RNF135: variants seen among roughly 807,000 people sequenced by gnomAD.
RNF135 encodes the protein E3 ubiquitin-protein ligase RNF135.
In RNF135, 46 loss-of-function variants were observed where a neutral mutation model predicts 41.9. That is an observed-to-expected ratio of 1.10 (90% CI 0.87 to 1.40). RNF135 has a LOEUF of 1.40. Ranked by LOEUF, RNF135 falls within the 40% of genes most tolerant of loss-of-function variation. The pLI is 0.00. For synonymous variants in RNF135, 238 were observed against 223.8 expected (o/e 1.06, Z -0.57); for missense variants, 539 against 549.8 (o/e 0.98, Z 0.20).
At chr17:30,971,537 G>C (rs894135987) in intron 1 of RNF135, 92 bp downstream of exon 1, 3 of 1,384,934 alleles carry the variant, frequency 2.2e-6, no homozygotes, top group Admixed American at 3.7e-5. Flanking sequence ...TTCCTCAGCC[G>C]TTCTACTTTT....
intron 3 of RNF135, among the ~76,000 whole-genome samples, chr17:30,989,566 C>G (rs1907842063): frequency 6.6e-6 from 1 of 152,208 alleles, no homozygotes. Flanking sequence ...TTAGCTCTGT[C>G]TGGTCTCCCA....
chr17:30,994,345 G>A (rs1908193846), intron 3 of RNF135, among the ~76,000 whole-genome samples: 1 of 151,946 alleles, frequency 6.6e-6, no homozygotes, highest in South Asian at 2.1e-4. Context: ...GAGTTCAAGA[G>A]CAGCCTGGGT....
chr17:30,982,454 A>G (rs1907220752), intron 1 of RNF135, among the ~76,000 whole-genome samples: 1 of 152,192 alleles, frequency 6.6e-6, no homozygotes, highest in Non-Finnish European at 1.5e-5. Flanking sequence ...TCCTGAGTGC[A>G]CAGATTCTCT....
chr17:30,971,863 C>A, intron 1 of RNF135: 1 of 301,710 alleles, frequency 3.3e-6, no homozygotes, highest in Non-Finnish European at 5.0e-6. Flanking sequence ...GTGATCTCGG[C>A]TCACTGCAAC....
At chr17:30,986,321 C>T (rs1414590772) in intron 2 of RNF135, among the ~76,000 whole-genome samples, 6 of 151,870 alleles carry the variant, frequency 4.0e-5, no homozygotes, top group East Asian at 3.9e-4. Flanking sequence ...CTCAGCCTGC[C>T]GAGTAGCTGG....
At chr17:30,967,908 G>A (rs1905617466), upstream of RNF135, among the ~76,000 whole-genome samples, 1 of 151,582 alleles carries the variant, frequency 6.6e-6, no homozygotes, top group Non-Finnish European at 1.5e-5. Context: ...CTCATGATCC[G>A]CCTGCCTCGG....
chr17:30,997,477 G>T (rs775655887), intron 4 of RNF135, 146 bp downstream of exon 4: 15 of 737,460 alleles, frequency 2.0e-5, no homozygotes, highest in Non-Finnish European at 3.2e-5. Flanking sequence ...GGGGGGAGCT[G>T]ATTGCAAAGG....
intron 1 of RNF135, among the ~76,000 whole-genome samples, chr17:30,973,576 T>C (rs1274088871): frequency 2.0e-5 from 3 of 151,964 alleles, no homozygotes; most frequent in Non-Finnish European, 4.4e-5. Flanking sequence ...CAAGCAATTC[T>C]CCTGCCTCAG....
chr17:30,985,465 GCCAGAGA>G (rs1891082738), intron 2 of RNF135, among the ~76,000 whole-genome samples: 1 of 152,122 alleles, frequency 6.6e-6, no homozygotes, highest in African/African-American at 2.4e-5. Flanking sequence ...AAGTACAGAA[GCCAGAGA>G]CCTGGAAATC....
chr17:30,960,835 G>T, the RNF135 span, among the ~76,000 whole-genome samples: 1 of 151,000 alleles, frequency 6.6e-6, no homozygotes, highest in Non-Finnish European at 1.5e-5. Flanking sequence ...CGCCTCCCGG[G>T]TTCACGCCAT....
intron 3 of RNF135, 59 bp downstream of exon 3, chr17:30,988,165 A>T: frequency 6.6e-7 from 1 of 1,517,436 alleles, no homozygotes; most frequent in Non-Finnish European, 9.1e-7. Flanking sequence ...GGAGTAGCAG[A>T]GTGCTCTATG....
At chr17:30,969,379 C>T (rs1905701975), upstream of RNF135, 1 of 152,234 alleles carries the variant, frequency 6.6e-6, no homozygotes, top group African/African-American at 2.4e-5. Context: ...TGTAGCAGCA[C>T]ACACCCACTA....
upstream of RNF135, chr17:30,970,320 A>G (rs1905784174): frequency 6.6e-6 from 1 of 152,184 alleles, no homozygotes; most frequent in South Asian, 2.1e-4. Context: ...CTTCTCAGGA[A>G]AACACTTTCT....
chr17:30,966,391 TTATTA>T (rs973797317), upstream of RNF135, among the ~76,000 whole-genome samples: 4 of 128,406 alleles, frequency 3.1e-5, no homozygotes, highest in Non-Finnish European at 6.0e-5. Flanking sequence ...AAGTTTTATT[TTATTA>T]TTTTTTTATT....
upstream of RNF135, among the ~76,000 whole-genome samples, chr17:30,966,427 TTTTTATG>T (rs1481632132): frequency 1.7e-4 from 25 of 149,426 alleles, no homozygotes; most frequent in African/African-American, 5.9e-4. Context: ...TTTTTATTTA[TTTTTATG>T]TATTTATTTA....
intron 3 of RNF135, among the ~76,000 whole-genome samples, chr17:30,994,441 T>C (rs1233586100): frequency 6.6e-6 from 1 of 151,596 alleles, no homozygotes; most frequent in Non-Finnish European, 1.5e-5. Context: ...TCCCAGCTAC[T>C]TGGGAGGCTG....
At chr17:30,980,071 C>A in intron 1 of RNF135, 1 of 136,988 alleles carries the variant, frequency 7.3e-6, no homozygotes, top group Non-Finnish European at 1.5e-5. Context: ...GGGCGGCTGG[C>A]CAGGCGGGGG....
chr17:30,975,914 A>G (rs1598079688), intron 1 of RNF135: 1 of 598,654 alleles, frequency 1.7e-6, no homozygotes, highest in East Asian at 2.8e-5. Context: ...TCCAAGCTTC[A>G]ATTCTGACTC....
chr17:30,971,255 C>CT lies in RNF135; in HGVS notation c.184dup (p.Cys62LeufsTer142), dbSNP rs1330303479. 6.6e-7 allele frequency: 1 copy of CT among 1,522,342 alleles called. No homozygotes were observed. Among genetic ancestry groups the CT allele is most frequent in the African/African-American group, 1.4e-5 (1 of 69,524 alleles). 94.3% of individuals were successfully genotyped at this position (1,522,342 alleles called of 1,614,324 possible). A position where few individuals can be genotyped will look rare whatever the true frequency, so the allele number is the denominator to read the frequency against. On this transcript the variant is annotated frameshift_variant, in exon 1 of 5. Transcript: ENST00000328381. LOFTEE classifies it high-confidence loss of function. ...GACGCCCGCCGCTGGGCCTGCCCCA[C>CT]TTGCCGCCAGGGCGCCGCGCAGCAG...
Sources: gnomAD v4.1 joint callset for allele counts (sites outside exome capture counted in the v4.1 genomes callset) on GRCh38, gnomAD v4.1.1 for gene constraint, MANE v1.5 for transcripts, NCBI Gene and HGNC (gene_info 2026-07-23, HGNC 2026-07-21) for gene names.